The following SUGCT variants were observed in gnomAD, a reference collection of about 807,000 sequenced individuals.
SUGCT encodes the protein succinyl-CoA:glutarate CoA-transferase.
A neutral mutation model predicts 55.0 loss-of-function variants in SUGCT; 41 were observed. The observed-to-expected ratio is 0.74, with a 90% CI of 0.58 to 0.97. The LOEUF (loss-of-function observed/expected upper bound fraction) is 0.97, where lower values mean the gene tolerates loss of function less well. Among genes scored for constraint, SUGCT ranks in the 50% least tolerant of loss-of-function variants. The pLI is 0.00. For synonymous variants in SUGCT, 187 were observed against 200.4 expected, an observed-to-expected ratio of 0.93 and a Z score of 0.56; for missense variants, 568 against 547.8, an observed-to-expected ratio of 1.04 and a Z score of -0.37.
intron 12 of SUGCT, among the ~76,000 whole-genome samples, chr7:40,642,555 C>T (rs896391269): frequency 8.5e-5 from 13 of 152,160 alleles, no homozygotes; most frequent in Non-Finnish European, 1.8e-4. Context: ...ACTATATTTA[C>T]TGGTCCCTGT....
intron 12 of SUGCT, among the ~76,000 whole-genome samples, chr7:40,505,768 G>C (rs1282022860): frequency 6.6e-6 from 1 of 151,854 alleles, no homozygotes; most frequent in African/African-American, 2.4e-5. Flanking sequence ...ATGGAAGCTG[G>C]TGAAAGAAAT....
chr7:40,544,927 G>A (rs1360347619), intron 12 of SUGCT, among the ~76,000 whole-genome samples: 1 of 152,146 alleles, frequency 6.6e-6, no homozygotes, highest in Admixed American at 6.5e-5. Context: ...AATATGGAAA[G>A]AGGGCATGTA....
intron 9 of SUGCT, among the ~76,000 whole-genome samples, chr7:40,380,465 C>G (rs902203381): frequency 1.3e-5 from 2 of 152,264 alleles, no homozygotes; most frequent in East Asian, 3.9e-4. Flanking sequence ...GCTGATGTCA[C>G]TCCGGCATAT....
intron 12 of SUGCT, among the ~76,000 whole-genome samples, chr7:40,583,358 C>T (rs1261366025): frequency 6.6e-6 from 1 of 151,832 alleles, no homozygotes; most frequent in Non-Finnish European, 1.5e-5. Flanking sequence ...AGAAACTCTT[C>T]TTTCCTGTAT....
At chr7:40,959,517 C>T in the SUGCT span, among the ~76,000 whole-genome samples, 1 of 152,142 alleles carries the variant, frequency 6.6e-6, no homozygotes, top group African/African-American at 2.4e-5. Flanking sequence ...TGACCCTCCC[C>T]CCACCAAGCT....
chr7:40,969,591 A>C, the SUGCT span, among the ~76,000 whole-genome samples: 1 of 152,068 alleles, frequency 6.6e-6, no homozygotes. Flanking sequence ...TCCTGGCCTC[A>C]AGCCATTCTT....
At chr7:40,477,124 G>A (rs1473039628) in intron 11 of SUGCT, among the ~76,000 whole-genome samples, 1 of 152,128 alleles carries the variant, frequency 6.6e-6, no homozygotes, top group African/African-American at 2.4e-5. Flanking sequence ...TCATAATAAT[G>A]CTATATGTAT....
chr7:40,276,817 G>GTGTGTCTGTC (rs776466354), intron 8 of SUGCT, among the ~76,000 whole-genome samples: 13 of 150,578 alleles, frequency 8.6e-5, no homozygotes, highest in East Asian at 8.0e-4. Context: ...GTGTGTGTGT[G>GTGTGTCTGTC]TGTCTGTCTG....
intron 12 of SUGCT, among the ~76,000 whole-genome samples, chr7:40,595,108 A>ACC (rs1797931996): frequency 1.3e-5 from 2 of 152,176 alleles, no homozygotes; most frequent in South Asian, 4.1e-4. Context: ...AAATTTAAAA[A>ACC]TTACCCTGTG....
intron 11 of SUGCT, 70 bp from the exon 12 acceptor site, chr7:40,496,211 AGGG>A: frequency 2.2e-6 from 2 of 888,934 alleles, no homozygotes; most frequent in Non-Finnish European, 3.6e-6. Context: ...GCTTTCAAAG[AGGG>A]CCACATGATA....
the SUGCT span, among the ~76,000 whole-genome samples, chr7:40,897,820 G>A: frequency 1.3e-5 from 2 of 152,110 alleles, no homozygotes; most frequent in Non-Finnish European, 2.9e-5. Flanking sequence ...GTTTGTAAAC[G>A]CACCAATCAG....
At chr7:40,856,607 A>C (rs771402874) in intron 13 of SUGCT, among the ~76,000 whole-genome samples, 1 of 151,442 alleles carries the variant, frequency 6.6e-6, no homozygotes, top group African/African-American at 2.5e-5. Flanking sequence ...CCATGCAAAG[A>C]ATTTTTATGG....
chr7:40,334,344 T>G (rs1440471691), intron 9 of SUGCT, among the ~76,000 whole-genome samples: 1 of 152,198 alleles, frequency 6.6e-6, no homozygotes, highest in Non-Finnish European at 1.5e-5. Context: ...CCACAATGGT[T>G]GAACTAGTTT....
At chr7:40,647,365 A>G (rs1014910959) in intron 12 of SUGCT, among the ~76,000 whole-genome samples, 2 of 152,178 alleles carry the variant, frequency 1.3e-5, no homozygotes, top group African/African-American at 4.8e-5. Flanking sequence ...ATCAGAATAT[A>G]TTAGGTTGGT....
chr7:40,228,184 T>C (rs1232265609), intron 6 of SUGCT, among the ~76,000 whole-genome samples: 2 of 152,070 alleles, frequency 1.3e-5, no homozygotes, highest in Admixed American at 6.6e-5. Context: ...CACCTGGTCT[T>C]TCTTTCTTTC....
intron 13 of SUGCT, among the ~76,000 whole-genome samples, chr7:40,854,358 A>G (rs1794012353): frequency 1.3e-5 from 2 of 151,376 alleles, no homozygotes; most frequent in South Asian, 2.1e-4. Context: ...TTCTTTCCCT[A>G]TGCTCCTTAG....
intron 13 of SUGCT, among the ~76,000 whole-genome samples, chr7:40,817,605 T>C (rs1289096342): frequency 6.6e-6 from 1 of 152,204 alleles, no homozygotes; most frequent in African/African-American, 2.4e-5. Context: ...TTTGAGGATC[T>C]TGTGGTACAT....
the SUGCT span, among the ~76,000 whole-genome samples, chr7:41,026,796 G>A: frequency 2.0e-5 from 3 of 152,264 alleles, no homozygotes; most frequent in South Asian, 6.2e-4. Context: ...AGCTTTGGGA[G>A]GCCGAGGCAG....
At chr7:40,655,337 C>T (rs1222458266) in intron 12 of SUGCT, among the ~76,000 whole-genome samples, 2 of 152,146 alleles carry the variant, frequency 1.3e-5, no homozygotes, top group Non-Finnish European at 2.9e-5. Context: ...ATTATATCCT[C>T]TCTCCCTCTC....
Sources: allele counts gnomAD v4.1 joint callset (sites outside exome capture counted in the v4.1 genomes callset), GRCh38; gene constraint gnomAD v4.1.1; transcripts MANE v1.5; gene names NCBI Gene and HGNC (gene_info 2026-07-23, HGNC 2026-07-21).